The following EXOC4 variants were observed in gnomAD, a reference collection of about 807,000 sequenced individuals.
The protein encoded by EXOC4 is SEC8-like 1.
EXOC4 carries 71 observed loss-of-function variants against 107.2 expected under a neutral mutation model. The ratio of observed to expected loss-of-function variants is 0.66; its 90% CI spans 0.55 to 0.81. The LOEUF is 0.81. Ranked by LOEUF, EXOC4 falls within the 30% of genes least tolerant of loss-of-function variation. EXOC4 has a pLI of 0.00. For missense variants in EXOC4, 1,108 were observed against 1,189.6 expected (o/e 0.93, Z 1.01); for synonymous variants, 456 against 441.2 (o/e 1.03, Z -0.42).
At chr7:133,272,388 C>T (rs749522297) in intron 1 of EXOC4, among the ~76,000 whole-genome samples, 8 of 152,014 alleles carry the variant, frequency 5.3e-5, no homozygotes, top group South Asian at 2.1e-4. Flanking sequence ...ATTAATTCAA[C>T]GTCTTTAAAT....
At chr7:133,559,272 C>T (rs73150821) in intron 9 of EXOC4, among the ~76,000 whole-genome samples, 22,158 of 151,954 alleles carry the variant, frequency 0.15, 2,016 homozygotes, top group Non-Finnish European at 0.2. Flanking sequence ...ATGTTTGTGT[C>T]GTGAATTCTT....
intron 5 of EXOC4, among the ~76,000 whole-genome samples, chr7:133,318,614 A>AG (rs1795043345): frequency 6.6e-6 from 1 of 152,246 alleles, no homozygotes; most frequent in Non-Finnish European, 1.5e-5. Flanking sequence ...GTAGAAAAAA[A>AG]TAGAAAAACA....
chr7:133,898,542 G>A (rs1169588413), intron 12 of EXOC4, among the ~76,000 whole-genome samples: 6 of 72,630 alleles, frequency 8.3e-5, no homozygotes, highest in Non-Finnish European at 1.2e-4. Context: ...TCAGGAGATC[G>A]AGACCATCCT....
chr7:134,051,700 A>C (rs2346450), intron 17 of EXOC4, among the ~76,000 whole-genome samples: 100,507 of 147,220 alleles, frequency 0.68, 34,955 homozygotes, highest in East Asian at 0.87. Flanking sequence ...AAACTTGGCT[A>C]CCTGGGCCGA....
intron 12 of EXOC4, among the ~76,000 whole-genome samples, chr7:133,896,299 G>A (rs1327639916): frequency 6.6e-6 from 1 of 152,092 alleles, no homozygotes; most frequent in Admixed American, 6.6e-5. Flanking sequence ...TGGGCTTGTG[G>A]AAAAGATCAT....
intron 14 of EXOC4, among the ~76,000 whole-genome samples, chr7:133,960,594 A>G (rs988626728): frequency 2.0e-5 from 3 of 152,246 alleles, no homozygotes; most frequent in Non-Finnish European, 2.9e-5. Flanking sequence ...AACCAAAATC[A>G]CATGATCGTC....
rs142064063 is a variant in EXOC4, at chr7:133,570,243, G to A, written c.1418-59802G>A. 1.8e-3 allele frequency among the ~76,000 whole-genome samples: 272 copies of A among 152,252 alleles called. 1 individual carries two copies. The highest frequency in any genetic ancestry group is 6.1e-3 in the African/African-American group (252 of 41,552). Reference sequence around the variant, plus strand: ...AATATTGTCAGGAAGAGGGGCTGCCGGGGCTTTTTAGACTGAAGATTGGGA... The same window carrying A: ...AATATTGTCAGGAAGAGGGGCTGCCAGGGCTTTTTAGACTGAAGATTGGGA... On this transcript the variant is annotated intron_variant, in intron 9 of 17. Transcript: ENST00000253861.
At chr7:133,438,862 A>C (rs11766325) in intron 7 of EXOC4, among the ~76,000 whole-genome samples, 21,945 of 152,260 alleles carry the variant, frequency 0.14, 1,982 homozygotes, top group Non-Finnish European at 0.2. Flanking sequence ...TGTTTTCCTT[A>C]TCTCAAAAAC....
intron 9 of EXOC4, among the ~76,000 whole-genome samples, chr7:133,525,485 T>G (rs1426681243): frequency 6.6e-6 from 1 of 152,220 alleles, no homozygotes; most frequent in Admixed American, 6.5e-5. Flanking sequence ...TTGGTGAGAC[T>G]GCTTCAGAGC....
At chr7:134,015,265 T>C (rs1267509476) in intron 17 of EXOC4, among the ~76,000 whole-genome samples, 3 of 152,308 alleles carry the variant, frequency 2.0e-5, no homozygotes, top group South Asian at 2.1e-4. Flanking sequence ...ATCTGACATA[T>C]TTCGTATTTA....
chr7:134,013,492 A>G (rs1395352601), intron 17 of EXOC4, among the ~76,000 whole-genome samples: 1 of 152,218 alleles, frequency 6.6e-6, no homozygotes, highest in Non-Finnish European at 1.5e-5. Flanking sequence ...GAACAAAAAT[A>G]ACATTAGGTA....
chr7:134,024,228 A>AT (rs1469009807), intron 17 of EXOC4, among the ~76,000 whole-genome samples: 2 of 152,208 alleles, frequency 1.3e-5, no homozygotes, highest in African/African-American at 4.8e-5. Flanking sequence ...AGGCAGGCGG[A>AT]TCACGAAGTC....
intron 9 of EXOC4, among the ~76,000 whole-genome samples, chr7:133,520,824 A>G (rs1440803609): frequency 1.3e-5 from 2 of 151,648 alleles, no homozygotes; most frequent in Non-Finnish European, 2.9e-5. Context: ...CGCCTTCTCC[A>G]CAACAGCTCA....
intron 13 of EXOC4, among the ~76,000 whole-genome samples, chr7:133,919,543 C>T (rs1474672011): frequency 6.6e-6 from 1 of 152,148 alleles, no homozygotes; most frequent in African/African-American, 2.4e-5. Flanking sequence ...CCCTCCCTCC[C>T]TCAACAGCCT....
At chr7:133,613,322 T>C (rs1037190571) in intron 9 of EXOC4, among the ~76,000 whole-genome samples, 6 of 152,160 alleles carry the variant, frequency 3.9e-5, no homozygotes, top group African/African-American at 2.4e-5. Flanking sequence ...TACTGTACTA[T>C]TGCAGCAATT....
chr7:133,764,479 G>A (rs1796096714), intron 10 of EXOC4, among the ~76,000 whole-genome samples: 1 of 151,986 alleles, frequency 6.6e-6, no homozygotes, highest in Admixed American at 6.6e-5. Context: ...CATGCTGTGG[G>A]CTGCCAGGAC....
chr7:133,664,831 T>G (rs1326029769), intron 10 of EXOC4, among the ~76,000 whole-genome samples: 1 of 152,060 alleles, frequency 6.6e-6, no homozygotes, highest in Admixed American at 6.6e-5. Flanking sequence ...TTTTTCCCTG[T>G]TTTTGGTAAG....
intron 10 of EXOC4, among the ~76,000 whole-genome samples, chr7:133,764,133 T>A (rs1397748635): frequency 6.6e-6 from 1 of 152,094 alleles, no homozygotes; most frequent in Non-Finnish European, 1.5e-5. Flanking sequence ...GGCACACAGC[T>A]GATTCAGTTT....
intron 17 of EXOC4, among the ~76,000 whole-genome samples, chr7:134,062,529 C>G (rs892149308): frequency 2.0e-5 from 3 of 152,202 alleles, no homozygotes; most frequent in Non-Finnish European, 4.4e-5. Context: ...AGCCACTCAT[C>G]CTGCTAGGTC....
Sources: allele counts gnomAD v4.1 joint callset (sites outside exome capture counted in the v4.1 genomes callset), GRCh38; gene constraint gnomAD v4.1.1; transcripts MANE v1.5; gene names NCBI Gene and HGNC (gene_info 2026-07-23, HGNC 2026-07-21).